The following MRPS31 variants were observed in gnomAD, a reference collection of about 807,000 sequenced individuals.
The protein encoded by MRPS31 is mitochondrial ribosomal protein S31.
In MRPS31, 32 loss-of-function variants were observed where a neutral mutation model predicts 43.1. The observed-to-expected ratio is 0.74, with a 90% CI of 0.56 to 1.00. The LOEUF is 1.00. Among genes scored for constraint, MRPS31 ranks in the 50% least tolerant of loss-of-function variants. MRPS31 has a pLI of 0.00. For synonymous variants in MRPS31, 165 were observed against 161.6 expected (o/e 1.02, Z -0.16); for missense variants, 437 against 466.7 (o/e 0.94, Z 0.59).
Position 40,771,176 on chromosome 13 carries a change from G to A in MRPS31, c.-40C>T. 4 of 1,549,190 alleles carry A rather than the reference G, an allele frequency of 2.6e-6. No individual in the cohort carries two copies. The highest frequency in any genetic ancestry group is 2.3e-5 in the East Asian group (1 of 42,964). ...ATGAACCAAGAACACAACTGAAATG[G>A]TGCGTCCCGCTGCCAAACACGTCCC... On this transcript the variant is annotated 5_prime_UTR_variant, in exon 1 of 7. Coordinates refer to ENST00000323563, the MANE Select transcript of MRPS31 (RefSeq NM_005830.4).
At chr13:40,749,311 C>T in intron 5 of MRPS31, 30 bp from the exon 6 acceptor site, 1 of 1,507,426 alleles carries the variant, frequency 6.6e-7, no homozygotes. Flanking sequence ...TAGATAACAA[C>T]AAGTCAATGT....
intron 6 of MRPS31, among the ~76,000 whole-genome samples, chr13:40,745,708 C>A (rs1880224084): frequency 6.6e-6 from 1 of 152,086 alleles, no homozygotes; most frequent in Non-Finnish European, 1.5e-5. Context: ...TTACCACTTT[C>A]TTCTTTCACG....
At chr13:40,765,422 TCG>T (rs1216588581) in intron 2 of MRPS31, among the ~76,000 whole-genome samples, 3 of 152,244 alleles carry the variant, frequency 2.0e-5, no homozygotes, top group African/African-American at 4.8e-5. Context: ...ATTTCTGTAA[TCG>T]TTAATTCAAT....
rs751427650 is a variant in MRPS31 at position 40,759,104 on chromosome 13, A to G, written c.443T>C (p.Ile148Thr). ...RATEYAPKKR[I>T]EPLSPELVAA... ...CACCAACTCAGGACTCAGGGGCTCA[A>G]TTCTGAAAAAGAAAATGAAAAACAA... The change falls in exon 3 of 7, where the codon ATT becomes ACT. Residue 148 changes from isoleucine (I) to threonine (T), a missense_variant and splice_region_variant. Physicochemically the swap from Ile to Thr is moderately conservative, Grantham distance 89 (BLOSUM62 -1). Transcript: ENST00000323563. The G allele has an allele frequency of 1.3e-6, 2 of 1,572,358 alleles. No homozygotes were observed. The highest frequency in any genetic ancestry group is 1.7e-6 in the Non-Finnish European group (2 of 1,164,340).
intron 6 of MRPS31, among the ~76,000 whole-genome samples, chr13:40,734,589 T>C (rs1348942888): frequency 6.6e-6 from 1 of 152,186 alleles, no homozygotes; most frequent in Non-Finnish European, 1.5e-5. Flanking sequence ...TATATAGTAA[T>C]TTTTTGTCTT....
chr13:40,751,096 G>A (rs1012201751), intron 5 of MRPS31, among the ~76,000 whole-genome samples: 6 of 152,042 alleles, frequency 3.9e-5, no homozygotes, highest in African/African-American at 1.2e-4. Flanking sequence ...GAGCCTTTAT[G>A]TGCAGAAATG....
In MRPS31 at chr13:40,743,352, T is replaced by C. The variant is rs184156554; in HGVS notation, c.958+5786A>G. On this transcript the variant is annotated intron_variant, in intron 6 of 6. Coordinates refer to ENST00000323563, the MANE Select transcript of MRPS31 (RefSeq NM_005830.4). ...AAAGCAACTGTAACACAAACAAAAA[T>C]TGAGAAGTGGGACCTCATTAAAGAG... Among the ~76,000 whole-genome samples, 381 of 147,560 alleles carry C rather than the reference T, an allele frequency of 2.6e-3. 5 individuals are homozygous for C. The highest frequency in any genetic ancestry group is 9.1e-3 in the African/African-American group (369 of 40,474).
intron 2 of MRPS31, among the ~76,000 whole-genome samples, chr13:40,760,546 CT>C (rs1196994110): frequency 7.3e-5 from 11 of 151,202 alleles, no homozygotes; most frequent in Admixed American, 4.0e-4. Flanking sequence ...TAAGAAAAAG[CT>C]TTTAAAAGCT....
intron 6 of MRPS31, among the ~76,000 whole-genome samples, chr13:40,738,744 AT>A (rs1879997050): frequency 6.6e-6 from 1 of 152,176 alleles, no homozygotes; most frequent in Non-Finnish European, 1.5e-5. Flanking sequence ...AACAACCTTC[AT>A]GCTAAAAACT....
At chr13:40,752,805 T>C (rs1036767889) in intron 5 of MRPS31, among the ~76,000 whole-genome samples, 11 of 152,136 alleles carry the variant, frequency 7.2e-5, no homozygotes, top group African/African-American at 2.6e-4. Context: ...TATAGCACAA[T>C]CATAGCTCAC....
chr13:40,736,595 C>G (rs909329265), intron 6 of MRPS31, among the ~76,000 whole-genome samples: 2 of 151,076 alleles, frequency 1.3e-5, no homozygotes, highest in African/African-American at 4.9e-5. Context: ...GGCAGAAACC[C>G]TACAAGCCAG....
In MRPS31 at chr13:40,729,581, C is replaced by G; in HGVS notation, c.979G>C (p.Glu327Gln). ...NEAGFDDDGS[E>Q]FHEHIFLEKH... The stretch of plus-strand genomic sequence containing the variant: ...TCCAGAAATATATGTTCATGAAATT[C>G]TGAACCATCATCATCAAAACCTAGG... Residue 327 changes from glutamate (E) to glutamine (Q), a missense_variant, in exon 7 of 7, where the codon GAA becomes CAA. Coordinates refer to ENST00000323563, the MANE Select transcript of MRPS31 (RefSeq NM_005830.4). 1.2e-6 allele frequency: 2 copies of G among 1,612,964 alleles called. No homozygotes were observed. The highest frequency in any genetic ancestry group is 8.5e-7 in the Non-Finnish European group (1 of 1,179,124).
intron 5 of MRPS31, among the ~76,000 whole-genome samples, chr13:40,752,774 T>A (rs1880427187): frequency 6.6e-6 from 1 of 152,140 alleles, no homozygotes; most frequent in African/African-American, 2.4e-5. Context: ...GAGTCTCACT[T>A]TGATTCTTAG....
intron 6 of MRPS31, among the ~76,000 whole-genome samples, chr13:40,730,408 C>T (rs1879646081): frequency 6.6e-6 from 1 of 151,858 alleles, no homozygotes; most frequent in Non-Finnish European, 1.5e-5. Context: ...GCCTGTAATC[C>T]CAGCTACTTG....
intron 3 of MRPS31, among the ~76,000 whole-genome samples, chr13:40,757,480 T>C (rs914776681): frequency 1.4e-5 from 2 of 143,790 alleles, no homozygotes; most frequent in African/African-American, 5.2e-5. Flanking sequence ...AGTTTCACTC[T>C]GTTGCCCAGG....
rs373985925 is a variant in MRPS31 at position 40,768,095 on chromosome 13, G to A, written c.153-1062C>T. Among the ~76,000 whole-genome samples, 73 of 152,316 alleles carry A rather than the reference G, an allele frequency of 4.8e-4. No homozygotes were observed. In the East Asian group the frequency reaches 0.011, roughly 24 times the overall value. On this transcript the variant is annotated intron_variant, in intron 1 of 6. Coordinates refer to ENST00000323563, the MANE Select transcript of MRPS31 (RefSeq NM_005830.4). ...ATGCAAAAAGATTTCCTAATTCTAA[G>A]TAATCCAAATATCCAATTTTATTCT...
rs73457356 is a variant in MRPS31, at chr13:40,732,341, A to G, written c.959-2740T>C. On this transcript the variant is annotated intron_variant, in intron 6 of 6. Coordinates refer to ENST00000323563, the MANE Select transcript of MRPS31 (RefSeq NM_005830.4). The stretch of plus-strand genomic sequence containing the variant: ...AACAAACATTCAAAGAACAGTAGAC[A>G]TTTTAAGAAAGTGTCTAGCGTAAGT... Among the ~76,000 whole-genome samples the G allele has an allele frequency of 6.2e-4, 95 of 152,350 alleles. 1 individual carries two copies. The highest frequency in any genetic ancestry group is 2.2e-3 in the African/African-American group (93 of 41,574).
intron 4 of MRPS31, among the ~76,000 whole-genome samples, chr13:40,754,885 T>C (rs1202655559): frequency 6.6e-6 from 1 of 151,968 alleles, no homozygotes; most frequent in Admixed American, 6.6e-5. Context: ...ACAAAAAAAA[T>C]TAGCCAGGTG....
At chr13:40,743,006 C>G (rs562430441) in intron 6 of MRPS31, among the ~76,000 whole-genome samples, 1 of 152,104 alleles carries the variant, frequency 6.6e-6, no homozygotes, top group South Asian at 2.1e-4. Flanking sequence ...AAGGACTTCA[C>G]GACAAAGTCA....
Sources: allele counts gnomAD v4.1 joint callset (sites outside exome capture counted in the v4.1 genomes callset), GRCh38; gene constraint gnomAD v4.1.1; transcripts MANE v1.5; gene names NCBI Gene and HGNC (gene_info 2026-07-23, HGNC 2026-07-21).